The following USP20 variants were observed in gnomAD, a reference collection of about 807,000 sequenced individuals.
USP20 encodes ubiquitin carboxyl-terminal hydrolase 20.
A neutral mutation model predicts 124.2 loss-of-function variants in USP20; 80 were observed. The ratio of observed to expected loss-of-function variants is 0.64; its 90% CI spans 0.54 to 0.78. USP20 has a LOEUF of 0.78. Among genes scored for constraint, USP20 ranks in the 30% least tolerant of loss-of-function variants. The pLI, the probability that USP20 is intolerant of heterozygous loss-of-function variation, is 0.00. For missense variants in USP20, 1,043 were observed against 1,244.4 expected (o/e 0.84, Z 2.44); for synonymous variants, 481 against 512.3 (o/e 0.94, Z 0.83).
chr9:129,865,698 T>C (rs1050814117), intron 10 of USP20, among the ~76,000 whole-genome samples: 4 of 152,100 alleles, frequency 2.6e-5, no homozygotes, highest in Admixed American at 1.3e-4. Context: ...AGGGTCTCAC[T>C]CTGTCACCCA....
Position 129,874,583 on chromosome 9 carries a change from G to A in USP20, c.1748G>A (p.Cys583Tyr). ...CKVLRLPEILCIHLKRFRHEV... is the reference protein window; with the variant it reads ...CKVLRLPEILYIHLKRFRHEV... ...CTCTCTCTGTCCCCGCAGATCCTGT[G>A]CATTCACCTAAAGCGCTTTCGGCAC... Residue 583 changes from cysteine to tyrosine, a missense_variant, in exon 18 of 26, where the codon TGC becomes TAC. Transcript: ENST00000372429. 6.2e-7 allele frequency: 1 copy of A among 1,613,640 alleles called. No individual in the cohort carries two copies. Among genetic ancestry groups the A allele is most frequent in the Non-Finnish European group, 8.5e-7 (1 of 1,179,990 alleles).
Position 129,854,372 on chromosome 9 carries a change from G to A in USP20, c.81+1736G>A, listed in dbSNP as rs958667033. Among the ~76,000 whole-genome samples the A allele has an allele frequency of 2.6e-5, 4 of 152,284 alleles. No homozygotes were observed. In the South Asian group the frequency reaches 8.3e-4, roughly 32 times the overall value. On this transcript the variant is annotated intron_variant, in intron 3 of 25. Transcript: ENST00000372429. ...AATATTCCTCAAGAAAGGAATGGGG[G>A]AATCAATTATGGTGTGTCCAGAGTG...
intron 5 of USP20, 119 bp downstream of exon 5, chr9:129,858,231 A>G: frequency 5.8e-6 from 7 of 1,213,186 alleles, no homozygotes; most frequent in African/African-American, 3.0e-5. Context: ...TCATCCTAGC[A>G]TAGCTTCTGC....
At chr9:129,865,511 C>G (rs762681724) in intron 10 of USP20, 130 bp downstream of exon 10, 11 of 919,372 alleles carry the variant, frequency 1.2e-5, no homozygotes, top group South Asian at 2.9e-5. Flanking sequence ...GGACCAGGCT[C>G]TCACTCCTAA....
intron 6 of USP20, 40 bp downstream of exon 6, chr9:129,858,638 C>T (rs1448476324): frequency 3.1e-6 from 5 of 1,607,626 alleles, no homozygotes; most frequent in Admixed American, 3.4e-5. Context: ...GTTGGTGACA[C>T]TGTGTTGAGG....
chr9:129,878,304 C>T, intron 22 of USP20, 34 bp from the exon 23 acceptor site: 1 of 1,514,760 alleles, frequency 6.6e-7, no homozygotes, highest in African/African-American at 1.4e-5. Flanking sequence ...ACTGACCTGC[C>T]CTCTGTCTCC....
rs35098457 is a variant in USP20, at chr9:129,847,299, CTTTT to C, written c.-128-2495_-128-2492del. On this transcript the variant is annotated intron_variant, in intron 1 of 25. Transcript: ENST00000372429. Reference sequence around the variant, plus strand: ...TCCACACCCTCGCCAACAGCCAACACTTTTTTTTTTTTTTTTTTTTTTAGATGGA... The same window carrying C: ...TCCACACCCTCGCCAACAGCCAACACTTTTTTTTTTTTTTTTTTAGATGGA... 2.8e-3 allele frequency among the ~76,000 whole-genome samples: 366 copies of C among 130,848 alleles called. 2 individuals are homozygous for C. The highest frequency in any genetic ancestry group is 9.6e-3 in the African/African-American group (337 of 35,072). 85.8% of individuals were successfully genotyped at this position (130,848 alleles called of 152,430 possible).
At chr9:129,878,558 G>A in intron 23 of USP20, 118 bp downstream of exon 23, 1 of 876,808 alleles carries the variant, frequency 1.1e-6, no homozygotes, top group Admixed American at 2.9e-5. Context: ...GCCCCCAGGT[G>A]CCACCCATCC....
intron 1 of USP20, among the ~76,000 whole-genome samples, chr9:129,844,352 A>G (rs7028152): frequency 0.14 from 21,864 of 152,078 alleles, 2,065 homozygotes; most frequent in African/African-American, 0.26. Flanking sequence ...CTGGTTGGGC[A>G]TGGTGGCTCA....
chr9:129,854,822 C>T (rs918887493), intron 3 of USP20, among the ~76,000 whole-genome samples: 4 of 152,096 alleles, frequency 2.6e-5, no homozygotes, highest in South Asian at 2.1e-4. Context: ...TCAGCTTCAT[C>T]GTATGGGACA....
chr9:129,856,180 C>A, intron 3 of USP20, 127 bp from the exon 4 acceptor site: 2 of 911,956 alleles, frequency 2.2e-6, no homozygotes, highest in Non-Finnish European at 1.8e-6. Flanking sequence ...GGGGCCAGGG[C>A]TTGAAGCTGA....
chr9:129,867,114 C>T (rs2033855226), intron 10 of USP20, among the ~76,000 whole-genome samples: 1 of 152,156 alleles, frequency 6.6e-6, no homozygotes, highest in Non-Finnish European at 1.5e-5. Context: ...ACAACCAGGT[C>T]AGGGACTGCT....
At chr9:129,876,292 G>T in intron 22 of USP20, 54 bp downstream of exon 22, 1 of 1,489,408 alleles carries the variant, frequency 6.7e-7, no homozygotes, top group South Asian at 1.2e-5. Context: ...GCCTGGGGCA[G>T]CTGGGGACTT....
At chr9:129,850,375 C>T (rs1451972287) in intron 2 of USP20, among the ~76,000 whole-genome samples, 2 of 152,158 alleles carry the variant, frequency 1.3e-5, no homozygotes, top group Non-Finnish European at 2.9e-5. Flanking sequence ...AGACCTTAGA[C>T]AAGAAGGAGC....
At chr9:129,858,948 A>T (rs1219875760) in intron 6 of USP20, among the ~76,000 whole-genome samples, 1 of 152,132 alleles carries the variant, frequency 6.6e-6, no homozygotes, top group Non-Finnish European at 1.5e-5. Context: ...AGGGTTGACA[A>T]GGTCACAGAT....
At chr9:129,851,064 T>C (rs1049854906) in intron 2 of USP20, among the ~76,000 whole-genome samples, 4 of 152,288 alleles carry the variant, frequency 2.6e-5, no homozygotes, top group Middle Eastern at 3.4e-3. Flanking sequence ...TGGCAACAGT[T>C]TGAAGCTATA....
At chr9:129,863,648 A>C (rs1005224384) in intron 9 of USP20, among the ~76,000 whole-genome samples, 1 of 149,254 alleles carries the variant, frequency 6.7e-6, no homozygotes, top group Non-Finnish European at 1.5e-5. Context: ...GTGTAGAAGG[A>C]GGTGTGGGGC....
At chr9:129,866,623 G>A (rs1050480401) in intron 10 of USP20, among the ~76,000 whole-genome samples, 2 of 152,232 alleles carry the variant, frequency 1.3e-5, no homozygotes, top group South Asian at 4.1e-4. Context: ...ATGCGCTGCG[G>A]CAGGACTCCA....
At chr9:129,858,702 G>C (rs2033353505) in intron 6 of USP20, 104 bp downstream of exon 6, 19 of 1,495,804 alleles carry the variant, frequency 1.3e-5, no homozygotes, top group Non-Finnish European at 1.6e-5. Flanking sequence ...GGTCCCAGAG[G>C]TGTCTGTTTC....
Sources: gnomAD v4.1 joint callset for allele counts (sites outside exome capture counted in the v4.1 genomes callset) on GRCh38, gnomAD v4.1.1 for gene constraint, MANE v1.5 for transcripts, NCBI Gene and HGNC (gene_info 2026-07-23, HGNC 2026-07-21) for gene names.